TMEM108: variants seen among roughly 807,000 people sequenced by gnomAD.
TMEM108 encodes the protein cancer/testis antigen 124.
A neutral mutation model predicts 35.1 loss-of-function variants in TMEM108; 12 were observed. The ratio of observed to expected loss-of-function variants is 0.34; its 90% CI spans 0.22 to 0.55. The LOEUF is 0.55. Ranked by LOEUF, TMEM108 falls within the 20% of genes least tolerant of loss-of-function variation. The pLI, the probability that TMEM108 is intolerant of heterozygous loss-of-function variation, is 0.89. For missense variants in TMEM108, 680 were observed against 753.3 expected (o/e 0.90, Z 1.14); for synonymous variants, 287 against 308.6 (o/e 0.93, Z 0.73).
intron 2 of TMEM108, among the ~76,000 whole-genome samples, chr3:133,142,835 T>G (rs1944660303): frequency 6.6e-6 from 1 of 152,214 alleles, no homozygotes; most frequent in Non-Finnish European, 1.5e-5. Flanking sequence ...ATGCTTTACA[T>G]GTCTCAATTA....
Position 133,183,528 on chromosome 3 carries a change from C to T in TMEM108, c.-46-45738C>T, listed in dbSNP as rs140765308. Among the ~76,000 whole-genome samples the T allele has an allele frequency of 3.9e-5, 6 of 152,172 alleles. No homozygotes were observed. The East Asian group carries it at 1.2e-3, about 29-fold the overall frequency. Reference sequence around the variant, plus strand: ...GGATGATATGATGTAAAAAGAAAGGCCTGCTTCTGTCCTGGCCAGGGTAAG... The same window carrying T: ...GGATGATATGATGTAAAAAGAAAGGTCTGCTTCTGTCCTGGCCAGGGTAAG... On this transcript the variant is annotated intron_variant, in intron 2 of 5. Transcript: ENST00000321871.
chr3:133,108,363 T>C (rs1433000026), intron 2 of TMEM108, among the ~76,000 whole-genome samples: 1 of 152,210 alleles, frequency 6.6e-6, no homozygotes, highest in Non-Finnish European at 1.5e-5. Flanking sequence ...ATTTCTCTGA[T>C]GGCCAGTGAT....
chr3:133,220,865 C>G (rs1945979900), intron 2 of TMEM108, among the ~76,000 whole-genome samples: 1 of 152,204 alleles, frequency 6.6e-6, no homozygotes, highest in Non-Finnish European at 1.5e-5. Context: ...CACCACTACC[C>G]TCTCCTTGGG....
intron 3 of TMEM108, among the ~76,000 whole-genome samples, chr3:133,335,024 T>C (rs886167348): frequency 7.2e-5 from 11 of 152,210 alleles, no homozygotes; most frequent in African/African-American, 2.7e-4. Flanking sequence ...AGTTTCATAT[T>C]TGTAATTAGA....
intron 3 of TMEM108, among the ~76,000 whole-genome samples, chr3:133,294,444 A>G (rs1559895088): frequency 1.3e-5 from 2 of 152,226 alleles, no homozygotes. Context: ...TCACCTCATG[A>G]TGACTCATCT....
At chr3:133,351,309 G>T (rs1269539762) in intron 3 of TMEM108, among the ~76,000 whole-genome samples, 1 of 152,076 alleles carries the variant, frequency 6.6e-6, no homozygotes, top group Non-Finnish European at 1.5e-5. Context: ...TCACCCTTAC[G>T]GCCCTGCTTA....
chr3:133,380,750 T>A lies in TMEM108; in HGVS notation c.1039T>A (p.Ser347Thr), dbSNP rs1291568840. The change falls in exon 4 of 6, where the codon TCT becomes ACT. Residue 347 changes from serine to threonine, a missense_variant. Ser to Thr is a moderately conservative substitution (Grantham distance 58). Coordinates refer to ENST00000321871, the MANE Select transcript of TMEM108 (RefSeq NM_023943.4). The surrounding 1 kb of genome is among the most constrained non-coding windows in gnomAD (Gnocchi z 5.3). ...TVTPGTSRPL[S>T]TSSGVFTAAT... ...TACCCCTGGCACCAGCAGACCTCTG[T>A]CTACCAGCTCTGGGGTCTTCACGGC... is the stretch of plus-strand genomic sequence containing the variant. 1 of 1,614,094 alleles carries A rather than the reference T, an allele frequency of 6.2e-7. No individual in the cohort carries two copies. Among genetic ancestry groups the A allele is most frequent in the South Asian group, 1.1e-5 (1 of 91,080 alleles).
chr3:133,350,867 C>G (rs911296565), intron 3 of TMEM108, among the ~76,000 whole-genome samples: 2 of 152,134 alleles, frequency 1.3e-5, no homozygotes, highest in African/African-American at 4.8e-5. Context: ...TGGCCCTCTT[C>G]CTAGCTTGCT....
intron 3 of TMEM108, among the ~76,000 whole-genome samples, chr3:133,302,265 G>A (rs1286090402): frequency 6.6e-6 from 1 of 152,136 alleles, no homozygotes; most frequent in African/African-American, 2.4e-5. Flanking sequence ...ATGAGTGCAT[G>A]CGTGCGCGTG....
intron 2 of TMEM108, among the ~76,000 whole-genome samples, chr3:133,127,317 C>T (rs985111565): frequency 5.9e-5 from 9 of 152,186 alleles, no homozygotes; most frequent in African/African-American, 1.9e-4. Flanking sequence ...TTTAAGCACT[C>T]AGTAACCCCC....
At chr3:133,349,865 A>C (rs1310743387) in intron 3 of TMEM108, among the ~76,000 whole-genome samples, 1 of 152,146 alleles carries the variant, frequency 6.6e-6, no homozygotes, top group African/African-American at 2.4e-5. Flanking sequence ...ATTATGGAAA[A>C]CAGTATGGAA....
chr3:133,388,458 C>T (rs2073186837), intron 4 of TMEM108: 1 of 985,360 alleles, frequency 1.0e-6, no homozygotes. Context: ...TCCTCTTCAA[C>T]CATCTGAAGA....
At chr3:133,373,709 T>C (rs1029023334) in intron 3 of TMEM108, among the ~76,000 whole-genome samples, 1 of 152,226 alleles carries the variant, frequency 6.6e-6, no homozygotes, top group Non-Finnish European at 1.5e-5. Context: ...AACTCCCTGA[T>C]GGTCAGACTT....
At chr3:133,282,720 C>G (rs1379551096) in intron 3 of TMEM108, among the ~76,000 whole-genome samples, 1 of 152,120 alleles carries the variant, frequency 6.6e-6, no homozygotes, top group African/African-American at 2.4e-5. Context: ...TGTATTTACT[C>G]CCTGTCTCCA....
chr3:133,391,672 A>G (rs1479967227), intron 5 of TMEM108, among the ~76,000 whole-genome samples: 2 of 152,106 alleles, frequency 1.3e-5, no homozygotes. Context: ...AGGTGTGTGC[A>G]TGGGCTGTCG....
intron 4 of TMEM108, chr3:133,389,339 T>A (rs1204520843): frequency 1.0e-6 from 1 of 985,386 alleles, no homozygotes; most frequent in Non-Finnish European, 1.2e-6. Context: ...TCAGGCCATC[T>A]GTGCAGGTGG....
At chr3:133,260,125 G>A (rs9866337) in intron 3 of TMEM108, among the ~76,000 whole-genome samples, 92,718 of 151,982 alleles carry the variant, frequency 0.61, 28,238 homozygotes, top group South Asian at 0.65. Flanking sequence ...TTTCTTGCTT[G>A]TAAAGCTGCT....
intron 2 of TMEM108, among the ~76,000 whole-genome samples, chr3:133,158,651 G>A (rs1944917186): frequency 1.3e-5 from 2 of 152,040 alleles, no homozygotes; most frequent in South Asian, 4.2e-4. Context: ...TTGAACTTTG[G>A]CATGCAGTCC....
intron 2 of TMEM108, among the ~76,000 whole-genome samples, chr3:133,108,211 A>G (rs1944180591): frequency 6.6e-6 from 1 of 152,134 alleles, no homozygotes; most frequent in African/African-American, 2.4e-5. Context: ...AGCCTGAGCG[A>G]CAGAGTGACA....
Sources: gnomAD v4.1 joint callset for allele counts (sites outside exome capture counted in the v4.1 genomes callset) on GRCh38, gnomAD v4.1.1 for gene constraint, Gnocchi (gnomAD v3.1) non-coding constraint, MANE v1.5 for transcripts, NCBI Gene and HGNC (gene_info 2026-07-23, HGNC 2026-07-21) for gene names.